Variants in ZBTB39 observed in about 807,000 individuals in gnomAD.
ZBTB39 encodes the protein zinc finger and BTB domain-containing protein 39.
A neutral mutation model predicts 39.4 loss-of-function variants in ZBTB39; 25 were observed. That is an observed-to-expected ratio of 0.63 (90% confidence interval 0.46 to 0.89). ZBTB39 has a LOEUF of 0.89. ZBTB39 is among the 40% of genes least tolerant of loss of function. ZBTB39 has a pLI of 0.00. For missense variants in ZBTB39, 891 were observed against 909.7 expected, an observed-to-expected ratio of 0.98 and a Z score of 0.26; for synonymous variants, 373 against 359.6, an observed-to-expected ratio of 1.04 and a Z score of -0.42.
At chr12:57,005,886 C>A (rs962319181) in intron 1 of ZBTB39, among the ~76,000 whole-genome samples, 1 of 152,246 alleles carries the variant, frequency 6.6e-6, no homozygotes. Context: ...CAGCCCCTTT[C>A]TCCATCTCTC....
Position 57,004,771 on chromosome 12 carries a change from G to A in ZBTB39, c.147C>T (p.Ala49=). The A allele has an allele frequency of 6.2e-7, 1 of 1,614,212 alleles. No homozygotes were observed. The highest frequency in any genetic ancestry group is 1.3e-5 in the African/African-American group (1 of 75,040). ...GGTTCTGGAAGTAGCCAGCTGCACA[G>A]GCCAGCACAGCCTTGTGGGCCGGGA... ...RSFPAHKAVL[A]CAAGYFQNLF... The change falls in exon 2 of 2, where the codon GCC becomes GCT. Residue 49 remains alanine, a synonymous_variant. Transcript: ENST00000300101.
rs1956198336 is a variant in ZBTB39, at chr12:56,999,551, C to T, written c.*3228G>A. The stretch of plus-strand genomic sequence containing the variant: ...CTGGGCCTGACCCTTATCCCACCTC[C>T]TTTCTTCCTAACTAGCCATGGACTA... On this transcript the variant is annotated 3_prime_UTR_variant, in exon 2 of 2. Transcript: ENST00000300101. The T allele has an allele frequency of 6.6e-6, 1 of 152,176 alleles. No homozygotes were observed. Among genetic ancestry groups the T allele is most frequent in the Non-Finnish European group, 1.5e-5 (1 of 68,026 alleles). The allele number at this position is 152,176 out of a possible 1,614,324, so 9.4% of individuals were successfully genotyped here. A position where few individuals can be genotyped will look rare whatever the true frequency, so the allele number is the denominator to read the frequency against.
rs985132956 is a variant in ZBTB39, at chr12:56,998,869, C to T, written c.*3910G>A. 5.2e-5 allele frequency: 8 copies of T among 152,546 alleles called. No homozygotes were observed. The highest frequency in any genetic ancestry group is 1.2e-4 in the Non-Finnish European group (8 of 68,026). The allele number at this position is 152,546 out of a possible 1,614,324, so 9.4% of individuals were successfully genotyped here. A position where few individuals can be genotyped will look rare whatever the true frequency, so the allele number is the denominator to read the frequency against. ...TTCTTTTTTTATTCTAAATAAAAAC[C>T]ACACTTTGTGCTGAACAATGGAATA... On this transcript the variant is annotated 3_prime_UTR_variant, in exon 2 of 2. Transcript: ENST00000300101.
At chr12:57,005,627 G>A (rs938479579) in intron 1 of ZBTB39, among the ~76,000 whole-genome samples, 4 of 152,190 alleles carry the variant, frequency 2.6e-5, no homozygotes, top group South Asian at 2.1e-4. Flanking sequence ...AAGAAAAGTA[G>A]AACACAACTG....
chr12:57,004,164 T>C lies in ZBTB39; in HGVS notation c.754A>G (p.Asn252Asp). The C allele has an allele frequency of 1.2e-6, 2 of 1,614,170 alleles. No individual in the cohort carries two copies. Among genetic ancestry groups the C allele is most frequent in the Non-Finnish European group, 1.7e-6 (2 of 1,180,028 alleles). The change falls in exon 2 of 2, where the codon AAT (asparagine) becomes GAT (aspartate). Residue 252 changes from asparagine to aspartate, a missense_variant. Transcript: ENST00000300101. ...AAGCTGTTTTTACTGAAGTCTCCAT[T>C]GCTTTGAACTTTGTATGGCTGGCAG... Reference protein sequence around the residue: ...SSCQPYKVQSNGDFSKNSFLT... With the variant: ...SSCQPYKVQSDGDFSKNSFLT...
In ZBTB39 at chr12:57,003,051, G is replaced by A; in HGVS notation, c.1867C>T (p.His623Tyr). ...TTCTCCCCCGTGTGGATCCGCCGGT[G>A]GTAGTTGAATTCGCTTGTGTGGGCA... is the stretch of plus-strand genomic sequence containing the variant. Reference protein sequence around the residue: ...RFAHTSEFNYHRRIHTGEKPY... With the variant: ...RFAHTSEFNYYRRIHTGEKPY... Residue 623 changes from histidine (H) to tyrosine (Y), a missense_variant, in exon 2 of 2, where the codon CAC becomes TAC. Coordinates refer to ENST00000300101, the MANE Select transcript of ZBTB39 (RefSeq NM_014830.3). The surrounding 1 kb of genome is among the most constrained non-coding windows in gnomAD (Gnocchi z 4.8). 1 of 1,612,054 alleles carries A rather than the reference G, an allele frequency of 6.2e-7. No homozygotes were observed. The highest frequency in any genetic ancestry group is 8.5e-7 in the Non-Finnish European group (1 of 1,179,276).
Position 57,002,771 on chromosome 12 carries a change from G to C in ZBTB39, c.*8C>G, listed in dbSNP as rs757650522. On this transcript the variant is annotated 3_prime_UTR_variant, in exon 2 of 2. Coordinates refer to ENST00000300101, the MANE Select transcript of ZBTB39 (RefSeq NM_014830.3). ...TTGGGAGCTCCCCGTGGCTCTGCCG[G>C]GACCCAGTCAACTGTCCGGGTTCTT... The C allele has an allele frequency of 1.2e-6, 2 of 1,608,658 alleles. No individual in the cohort carries two copies. Among genetic ancestry groups the C allele is most frequent in the Non-Finnish European group, 1.7e-6 (2 of 1,175,870 alleles).
chr12:57,002,918 C>T lies in ZBTB39; in HGVS notation c.2000G>A (p.Gly667Glu), dbSNP rs1411159164. The stretch of plus-strand genomic sequence containing the variant: ...GAGGTTAAGGGTGGAACTGTAGTGC[C>T]CACAGACTGTGCAGCGGTACATGAG... The part of the protein sequence containing the change: ...GALMYRCTVC[G>E]HYSSTLNLMS... Residue 667 changes from glycine (G) to glutamate (E), a missense_variant, in exon 2 of 2, where the codon GGG becomes GAG. Physicochemically the swap from Gly to Glu is moderately conservative, Grantham distance 98. Transcript: ENST00000300101. 1 of 1,614,230 alleles carries T rather than the reference C, an allele frequency of 6.2e-7. No homozygotes were observed. Among genetic ancestry groups the T allele is most frequent in the Non-Finnish European group, 8.5e-7 (1 of 1,180,052 alleles).
At position 57,006,467 on chromosome 12, in the gene ZBTB39, C is replaced by T. The variant is rs1387348349; in HGVS notation, c.-107G>A. Reference sequence around the variant, plus strand: ...GCTTCACACAAAGGCCCCGGCCCGCCGTGCCCGGCCCGACGAGGAGGCGGC... The same window carrying T: ...GCTTCACACAAAGGCCCCGGCCCGCTGTGCCCGGCCCGACGAGGAGGCGGC... On this transcript the variant is annotated 5_prime_UTR_variant, in exon 1 of 2. Coordinates refer to ENST00000300101, the MANE Select transcript of ZBTB39 (RefSeq NM_014830.3). 6.7e-6 allele frequency: 1 copy of T among 149,162 alleles called. No individual in the cohort carries two copies. Among genetic ancestry groups the T allele is most frequent in the Non-Finnish European group, 1.5e-5 (1 of 66,820 alleles). 9.2% of individuals were successfully genotyped at this position (149,162 alleles called of 1,614,324 possible). A position where few individuals can be genotyped will look rare whatever the true frequency, so the allele number is the denominator to read the frequency against.
At position 56,999,580 on chromosome 12, in the gene ZBTB39, G is replaced by A. The variant is rs972582701; in HGVS notation, c.*3199C>T. On this transcript the variant is annotated 3_prime_UTR_variant, in exon 2 of 2. Coordinates refer to ENST00000300101, the MANE Select transcript of ZBTB39 (RefSeq NM_014830.3). ...CTTCCTAACTAGCCATGGACTACGG[G>A]AACTCCATGGAGTCATAAAATTTAG... The A allele has an allele frequency of 6.6e-6, 1 of 152,138 alleles. No homozygotes were observed. Among genetic ancestry groups the A allele is most frequent in the Admixed American group, 6.5e-5 (1 of 15,272 alleles). The allele number at this position is 152,138 out of a possible 1,614,324, so 9.4% of individuals were successfully genotyped here.
rs972723744 is a variant in ZBTB39 at position 56,998,902 on chromosome 12, A to C, written c.*3877T>G. 2.6e-5 allele frequency: 4 copies of C among 152,700 alleles called. No homozygotes were observed. Among genetic ancestry groups the C allele is most frequent in the Non-Finnish European group, 5.9e-5 (4 of 68,044 alleles). The allele number at this position is 152,700 out of a possible 1,614,324, so 9.5% of individuals were successfully genotyped here. ...GTGCTGAACAATGGAATATAAAAGA[A>C]TCAGATGTACAATGATTTTAGACAT... On this transcript the variant is annotated 3_prime_UTR_variant, in exon 2 of 2. Transcript: ENST00000300101.
At chr12:57,005,973 C>T (rs1209495666) in intron 1 of ZBTB39, among the ~76,000 whole-genome samples, 1 of 152,202 alleles carries the variant, frequency 6.6e-6, no homozygotes, top group Non-Finnish European at 1.5e-5. Flanking sequence ...CAAGCATCTC[C>T]CGGGCCCTGG....
Position 57,003,038 on chromosome 12 carries a change from T to G in ZBTB39, c.1880A>C (p.His627Pro). The change falls in exon 2 of 2, where the codon CAC becomes CCC. Residue 627 changes from histidine (H) to proline (P), a missense_variant. By Grantham distance (77) the His-to-Pro change is moderately conservative. Transcript: ENST00000300101. The surrounding 1 kb of genome is among the most constrained non-coding windows in gnomAD (Gnocchi z 4.8). ...ACATTGGTATGGCTTCTCCCCCGTG[T>G]GGATCCGCCGGTGGTAGTTGAATTC... ...TSEFNYHRRI[H>P]TGEKPYQCKV... 1 of 1,614,212 alleles carries G rather than the reference T, an allele frequency of 6.2e-7. No homozygotes were observed. Among genetic ancestry groups the G allele is most frequent in the Non-Finnish European group, 8.5e-7 (1 of 1,180,028 alleles).
rs1956228537 is a variant in ZBTB39, at chr12:57,003,919, T to C, written c.999A>G (p.Gly333=). The C allele has an allele frequency of 6.2e-7, 1 of 1,614,190 alleles. No homozygotes were observed. The highest frequency in any genetic ancestry group is 8.5e-7 in the Non-Finnish European group (1 of 1,180,038). The part of the protein sequence containing the change: ...SDDSEDELAF[G]ENDNRENKAM... Reference sequence around the variant, plus strand: ...CCTTATTCTCCCGATTGTCATTCTCTCCAAAAGCCAACTCATCCTCACTGT... The same window carrying C: ...CCTTATTCTCCCGATTGTCATTCTCCCCAAAAGCCAACTCATCCTCACTGT... The change falls in exon 2 of 2, where the codon GGA becomes GGG. Residue 333 remains glycine (G), a synonymous_variant. Coordinates refer to ENST00000300101, the MANE Select transcript of ZBTB39 (RefSeq NM_014830.3). The surrounding 1 kb of genome is among the most constrained non-coding windows in gnomAD (Gnocchi z 4.8).
At position 57,000,957 on chromosome 12, in the gene ZBTB39, T is replaced by C. The variant is rs977982065; in HGVS notation, c.*1822A>G. ...GCAAATAGGTCATTCATGTCACTTG[T>C]TCCCCTCAACCCTGTCCCCAATCTA... On this transcript the variant is annotated 3_prime_UTR_variant, in exon 2 of 2. Transcript: ENST00000300101. 6.6e-6 allele frequency: 1 copy of C among 152,262 alleles called. No individual in the cohort carries two copies. Among genetic ancestry groups the C allele is most frequent in the Non-Finnish European group, 1.5e-5 (1 of 68,068 alleles). 9.4% of individuals were successfully genotyped at this position (152,262 alleles called of 1,614,324 possible).
Position 57,003,048 on chromosome 12 carries a change from G to A in ZBTB39, c.1870C>T (p.Arg624Trp), listed in dbSNP as rs778420257. Residue 624 changes from arginine (R) to tryptophan (W), a missense_variant, in exon 2 of 2, where the codon CGG (arginine) becomes TGG (tryptophan). Arg to Trp is a moderately radical substitution (Grantham distance 101). Coordinates refer to ENST00000300101, the MANE Select transcript of ZBTB39 (RefSeq NM_014830.3). This position sits in a 1 kb window ranked among gnomAD's most constrained non-coding sequence, Gnocchi z 4.8. ...FAHTSEFNYH[R>W]RIHTGEKPYQ... Reference sequence around the variant, plus strand: ...GGCTTCTCCCCCGTGTGGATCCGCCGGTGGTAGTTGAATTCGCTTGTGTGG... The same window carrying A: ...GGCTTCTCCCCCGTGTGGATCCGCCAGTGGTAGTTGAATTCGCTTGTGTGG... 58 of 1,611,608 alleles carry A rather than the reference G, an allele frequency of 3.6e-5. No individual in the cohort carries two copies. The highest frequency in any genetic ancestry group is 4.5e-5 in the East Asian group (2 of 44,740).
rs747878954 is a variant in ZBTB39, at chr12:57,003,511, GC to G, written c.1406del (p.Gly469AlafsTer7). On this transcript the variant is annotated frameshift_variant, in exon 2 of 2. Transcript: ENST00000300101. LOFTEE classifies it high-confidence loss of function. This position sits in a 1 kb window ranked among gnomAD's most constrained non-coding sequence, Gnocchi z 4.8. ...TCAAGTTTAGATGGTCAAGGATGTG[GC>G]CCCGGACCACATGGAAATCTTTGGC... ...VLAKDFHVVR[G>X]HILDHLNLKG... The G allele has an allele frequency of 6.2e-7, 1 of 1,613,894 alleles. No homozygotes were observed. Among genetic ancestry groups the G allele is most frequent in the Non-Finnish European group, 8.5e-7 (1 of 1,179,884 alleles).
Position 57,002,725 on chromosome 12 carries a change from TATC to T in ZBTB39, c.*51_*53del. 1 of 1,530,044 alleles carries T rather than the reference TATC, an allele frequency of 6.5e-7. No homozygotes were observed. Among genetic ancestry groups the T allele is most frequent in the Non-Finnish European group, 9.0e-7 (1 of 1,116,632 alleles). 94.8% of individuals were successfully genotyped at this position (1,530,044 alleles called of 1,614,324 possible). A position where few individuals can be genotyped will look rare whatever the true frequency, so the allele number is the denominator to read the frequency against. ...TGGGGAGGGACCAACACCTCTTAGATATCAGCATCCTGGCTGCTGCTTGGGAGC... is the reference window on the plus strand; with the variant it reads ...TGGGGAGGGACCAACACCTCTTAGATAGCATCCTGGCTGCTGCTTGGGAGC... On this transcript the variant is annotated 3_prime_UTR_variant, in exon 2 of 2. Transcript: ENST00000300101.
At position 57,003,322 on chromosome 12, in the gene ZBTB39, A is replaced by C; in HGVS notation, c.1596T>G (p.Ser532Arg). ...LLEKHMAVHQ[S>R]LEDALFHCRL... ...GGCAGTGGAAGAGGGCGTCTTCCAGACTTTGGTGCACAGCCATGTGCTTCT... is the reference window on the plus strand; with the variant it reads ...GGCAGTGGAAGAGGGCGTCTTCCAGCCTTTGGTGCACAGCCATGTGCTTCT... The change falls in exon 2 of 2, where the codon AGT (serine) becomes AGG (arginine). Residue 532 changes from serine (S) to arginine (R), a missense_variant. By Grantham distance (110) the Ser-to-Arg change is moderately radical (BLOSUM62 -1). Transcript: ENST00000300101. The surrounding 1 kb of genome is among the most constrained non-coding windows in gnomAD (Gnocchi z 4.8). The C allele has an allele frequency of 6.2e-7, 1 of 1,613,968 alleles. No homozygotes were observed.
Sources: allele counts gnomAD v4.1 joint callset (sites outside exome capture counted in the v4.1 genomes callset), GRCh38; gene constraint gnomAD v4.1.1; non-coding constraint Gnocchi (gnomAD v3.1); transcripts MANE v1.5; gene names NCBI Gene and HGNC (gene_info 2026-07-23, HGNC 2026-07-21).